The following CENPP variants were observed in gnomAD, a reference collection of about 807,000 sequenced individuals.
The protein encoded by CENPP is centromere protein P.
A neutral mutation model predicts 35.6 loss-of-function variants in CENPP; 24 were observed. The ratio of observed to expected loss-of-function variants is 0.67; its 90% confidence interval spans 0.49 to 0.95. The LOEUF is 0.95. Among genes scored for constraint, CENPP ranks in the 40% least tolerant of loss-of-function variants. CENPP has a pLI of 0.00. For synonymous variants in CENPP, 120 were observed against 125.5 expected (o/e 0.96, Z 0.29); for missense variants, 332 against 345.3 (o/e 0.96, Z 0.31).
intron 5 of CENPP, among the ~76,000 whole-genome samples, chr9:92,513,475 TC>T (rs1217458904): frequency 2.6e-5 from 4 of 152,146 alleles, no homozygotes; most frequent in Non-Finnish European, 5.9e-5. Flanking sequence ...AACACTTAGG[TC>T]CACACAAACA....
chr9:92,449,866 G>A (rs1467685952), intron 5 of CENPP, among the ~76,000 whole-genome samples: 2 of 152,146 alleles, frequency 1.3e-5, no homozygotes, highest in African/African-American at 2.4e-5. Context: ...ACAGCCTGCA[G>A]AACTATGAGC....
At chr9:92,465,026 A>G in intron 5 of CENPP, 2 of 1,604,980 alleles carry the variant, frequency 1.2e-6, no homozygotes, top group Non-Finnish European at 1.7e-6. Context: ...GTTTGCACTC[A>G]TTTCTGTCAG....
intron 4 of CENPP, among the ~76,000 whole-genome samples, chr9:92,347,641 T>C (rs898752177): frequency 6.6e-6 from 1 of 152,244 alleles, no homozygotes; most frequent in Non-Finnish European, 1.5e-5. Context: ...AGGATTGGTA[T>C]CTTTAGGTTT....
At chr9:92,551,355 T>C (rs2131326446) in intron 5 of CENPP, among the ~76,000 whole-genome samples, 1 of 152,186 alleles carries the variant, frequency 6.6e-6, no homozygotes, top group South Asian at 2.1e-4. Flanking sequence ...TTTTGTTTTT[T>C]GAGATAGGGT....
At chr9:92,502,729 G>T in intron 5 of CENPP, 1 of 1,172,274 alleles carries the variant, frequency 8.5e-7, no homozygotes, top group Non-Finnish European at 1.2e-6. Flanking sequence ...CTAAAATAGT[G>T]ACATAGACTA....
intron 4 of CENPP, among the ~76,000 whole-genome samples, chr9:92,346,824 A>T (rs1841306246): frequency 6.6e-6 from 1 of 152,152 alleles, no homozygotes; most frequent in South Asian, 2.1e-4. Context: ...GGATTGCTTG[A>T]GTAAAAGGGA....
In CENPP at chr9:92,461,904, T is replaced by A. The variant is rs58663005; in HGVS notation, c.564+82045T>A. On this transcript the variant is annotated intron_variant, in intron 5 of 7. Transcript: ENST00000375587. ...CAGTTAAGGTTTTTTGTGTTTTTTT[T>A]AAAACACCATTATAAACACGGATTT... Among the ~76,000 whole-genome samples the A allele has an allele frequency of 4.0e-3, 608 of 152,362 alleles. 7 individuals are homozygous for A. The highest frequency in any genetic ancestry group is 0.014 in the African/African-American group (566 of 41,580).
At chr9:92,567,373 G>GATAGATAT (rs1554688237) in intron 5 of CENPP, among the ~76,000 whole-genome samples, 17 of 129,074 alleles carry the variant, frequency 1.3e-4, no homozygotes, top group South Asian at 2.8e-4. Flanking sequence ...ACATAAGATA[G>GATAGATAT]ATATATATAT....
rs1390489581 is a variant in CENPP at position 92,618,555 on chromosome 9, C to T, written c.*5406C>T. On this transcript the variant is annotated 3_prime_UTR_variant, in exon 8 of 8. Transcript: ENST00000375587. ...GGGGGCTGCTGAACAGTGGTATCTT[C>T]GTGGGTTTTCTCTCATCGAACACCA... The T allele has an allele frequency of 1.1e-5, 5 of 456,558 alleles. No homozygotes were observed. The highest frequency in any genetic ancestry group is 6.0e-5 in the African/African-American group (3 of 50,066). The allele number at this position is 456,558 out of a possible 1,614,324, so 28.3% of individuals were successfully genotyped here.
chr9:92,412,088 TTA>T (rs1329288506), intron 5 of CENPP, among the ~76,000 whole-genome samples: 11 of 152,018 alleles, frequency 7.2e-5, no homozygotes, highest in East Asian at 3.9e-4. Flanking sequence ...AATTAATTAA[TTA>T]ATTTATTTAT....
chr9:92,512,137 C>G lies in CENPP; in HGVS notation c.565-99177C>G, dbSNP rs374663122. 1.2e-5 allele frequency: 19 copies of G among 1,600,980 alleles called. No homozygotes were observed. The Middle Eastern group carries it at 1.3e-3, about 112-fold the overall frequency. On this transcript the variant is annotated intron_variant, in intron 5 of 7. Coordinates refer to ENST00000375587, the MANE Select transcript of CENPP (RefSeq NM_001012267.3). Reference sequence around the variant, plus strand: ...AGGCGATGGAATTGCCTAGGACACACAGCGGTTATGTTTTAGGCATGTGTG... The same window carrying G: ...AGGCGATGGAATTGCCTAGGACACAGAGCGGTTATGTTTTAGGCATGTGTG...
intron 5 of CENPP, among the ~76,000 whole-genome samples, chr9:92,482,930 T>G (rs1372233615): frequency 1.3e-5 from 2 of 152,072 alleles, no homozygotes; most frequent in Non-Finnish European, 2.9e-5. Flanking sequence ...TTTTTAAGCT[T>G]TTAGCACTGC....
At chr9:92,557,625 C>T (rs183532523) in intron 5 of CENPP, among the ~76,000 whole-genome samples, 1 of 152,186 alleles carries the variant, frequency 6.6e-6, no homozygotes, top group Non-Finnish European at 1.5e-5. Flanking sequence ...CTGAGACTTT[C>T]CAGAGCATTT....
intron 5 of CENPP, among the ~76,000 whole-genome samples, chr9:92,584,746 T>G (rs1850503548): frequency 6.6e-6 from 1 of 152,232 alleles, no homozygotes; most frequent in Non-Finnish European, 1.5e-5. Context: ...GTCTTTAAAT[T>G]AAAACATCTA....
chr9:92,390,117 A>G (rs1413653660), intron 5 of CENPP: 3 of 960,380 alleles, frequency 3.1e-6, no homozygotes, highest in Non-Finnish European at 4.8e-6. Flanking sequence ...TATGGACTGA[A>G]GAAAAGCATT....
intron 5 of CENPP, among the ~76,000 whole-genome samples, chr9:92,544,768 T>G (rs1849393629): frequency 6.7e-6 from 1 of 150,288 alleles, no homozygotes; most frequent in Non-Finnish European, 1.5e-5. Flanking sequence ...CAGGCTGATG[T>G]GCAGTGGCGC....
At chr9:92,588,383 G>T (rs200996455) in intron 5 of CENPP, among the ~76,000 whole-genome samples, 1 of 151,320 alleles carries the variant, frequency 6.6e-6, no homozygotes, top group East Asian at 2.0e-4. Context: ...GAGTAGCTGG[G>T]ACTACAGACG....
Position 92,434,712 on chromosome 9 carries a change from T to G in CENPP, c.564+54853T>G, listed in dbSNP as rs572203125. Among the ~76,000 whole-genome samples the G allele has an allele frequency of 2.6e-5, 4 of 152,180 alleles. No homozygotes were observed. The East Asian group carries it at 7.7e-4, about 29-fold the overall frequency. On this transcript the variant is annotated intron_variant, in intron 5 of 7. Coordinates refer to ENST00000375587, the MANE Select transcript of CENPP (RefSeq NM_001012267.3). Reference sequence around the variant, plus strand: ...AAATTGTTAAATTTGGAGGAAAACATCCAGAGATGCAAGATGATTCAGACC... The same window carrying G: ...AAATTGTTAAATTTGGAGGAAAACAGCCAGAGATGCAAGATGATTCAGACC...
At position 92,351,469 on chromosome 9, in the gene CENPP, CTA is replaced by C. The variant is rs543674112; in HGVS notation, c.467+5684_467+5685del. On this transcript the variant is annotated intron_variant, in intron 4 of 7. Transcript: ENST00000375587. ...CTCCAGCCTGGGTGACAGAGTGAGA[CTA>C]TCTCAAAAAAAAAAAAAAAAAACCA... 8.1e-4 allele frequency among the ~76,000 whole-genome samples: 86 copies of C among 106,442 alleles called. 1 individual carries two copies. Among genetic ancestry groups the C allele is most frequent in the African/African-American group, 3.2e-3 (71 of 21,966 alleles). The allele number at this position is 106,442 out of a possible 152,430, so 69.8% of individuals were successfully genotyped here.
Sources: gnomAD v4.1 joint callset for allele counts (sites outside exome capture counted in the v4.1 genomes callset) on GRCh38, gnomAD v4.1.1 for gene constraint, MANE v1.5 for transcripts, NCBI Gene and HGNC (gene_info 2026-07-23, HGNC 2026-07-21) for gene names.